EBF2: variants seen among roughly 807,000 people sequenced by gnomAD.
EBF2 encodes transcription factor COE2.
In EBF2, 21 loss-of-function variants were observed where a neutral mutation model predicts 72.8. That is an observed-to-expected ratio of 0.29 (90% CI 0.20 to 0.42). EBF2 has a LOEUF of 0.42. Among genes scored for constraint, EBF2 ranks in the 10% least tolerant of loss-of-function variants. EBF2 has a pLI of 1.00. For missense variants in EBF2, 637 were observed against 731.2 expected, an observed-to-expected ratio of 0.87 and a Z score of 1.49; for synonymous variants, 299 against 274.2, an observed-to-expected ratio of 1.09 and a Z score of -0.89.
At position 25,886,873 on chromosome 8, in the gene EBF2, G is replaced by T. The variant is rs1327661047; in HGVS notation, c.891C>A (p.Thr297=). Residue 297 remains threonine (T), a synonymous_variant, in exon 10 of 16, where the codon ACC becomes ACA. Transcript: ENST00000520164. The part of the protein sequence containing the change: ...GTMLVWSELI[T]PHAIRVQTPP... ...GAGTCTGTACTCTGATGGCATGAGGGGTTATTAGCTGAGGAATGAACAGGC... is the reference window on the plus strand; with the variant it reads ...GAGTCTGTACTCTGATGGCATGAGGTGTTATTAGCTGAGGAATGAACAGGC... 6.2e-7 allele frequency: 1 copy of T among 1,611,556 alleles called. No homozygotes were observed. Among genetic ancestry groups the T allele is most frequent in the East Asian group, 2.2e-5 (1 of 44,834 alleles).
intron 6 of EBF2, among the ~76,000 whole-genome samples, chr8:25,920,001 C>A (rs904023185): frequency 1.3e-5 from 2 of 152,026 alleles, no homozygotes; most frequent in African/African-American, 4.8e-5. Context: ...CAGTACCCAT[C>A]TAAAGAGATT....
intron 6 of EBF2, among the ~76,000 whole-genome samples, chr8:25,956,230 C>A (rs373600969): frequency 1.3e-4 from 20 of 152,156 alleles, no homozygotes; most frequent in African/African-American, 4.8e-4. Flanking sequence ...ACCAGCCTGA[C>A]CAACATGGAG....
intron 5 of EBF2, among the ~76,000 whole-genome samples, chr8:26,034,688 A>G (rs934119910): frequency 6.6e-6 from 1 of 152,226 alleles, no homozygotes; most frequent in African/African-American, 2.4e-5. Flanking sequence ...ATGGTCCACT[A>G]TCAACTATAG....
chr8:25,944,319 G>T (rs762056638), intron 6 of EBF2, among the ~76,000 whole-genome samples: 1 of 152,044 alleles, frequency 6.6e-6, no homozygotes, highest in Non-Finnish European at 1.5e-5. Context: ...ACTTGTAAGA[G>T]CATCTCTTAC....
rs1229515442 is a variant in EBF2 at position 25,971,564 on chromosome 8, A to G, written c.551+61521T>C. On this transcript the variant is annotated intron_variant, in intron 6 of 15. Coordinates refer to ENST00000520164, the MANE Select transcript of EBF2 (RefSeq NM_022659.4). Reference sequence around the variant, plus strand: ...GGAGGGCCCAGAAGGAGTCGTTTACAACAGAAATTATTGCAGGCAAATGTT... The same window carrying G: ...GGAGGGCCCAGAAGGAGTCGTTTACGACAGAAATTATTGCAGGCAAATGTT... Among the ~76,000 whole-genome samples the G allele has an allele frequency of 2.6e-5, 4 of 152,194 alleles. No homozygotes were observed. The East Asian group carries it at 7.7e-4, about 29-fold the overall frequency.
chr8:25,858,690 T>C (rs867041234), intron 13 of EBF2, among the ~76,000 whole-genome samples, 186 bp from the exon 14 acceptor site: 44 of 141,912 alleles, frequency 3.1e-4, no homozygotes, highest in African/African-American at 1.2e-3. Flanking sequence ...GATAGAGTCT[T>C]ACTCTGTCGC....
chr8:25,956,850 C>T (rs1803957158), intron 6 of EBF2, among the ~76,000 whole-genome samples: 1 of 152,194 alleles, frequency 6.6e-6, no homozygotes, highest in South Asian at 2.1e-4. Flanking sequence ...GACACACAAT[C>T]AGAACTGAAG....
At chr8:26,014,606 C>G (rs917865173) in intron 6 of EBF2, among the ~76,000 whole-genome samples, 3 of 152,152 alleles carry the variant, frequency 2.0e-5, no homozygotes, top group Admixed American at 1.3e-4. Context: ...AACATTTTCT[C>G]TTTGTCCTTG....
chr8:25,996,900 C>T (rs567556783), intron 6 of EBF2, among the ~76,000 whole-genome samples: 17 of 152,146 alleles, frequency 1.1e-4, no homozygotes, highest in African/African-American at 2.9e-4. Context: ...AAGAATACTA[C>T]GTATAATCAT....
chr8:25,964,452 C>A (rs575135021), intron 6 of EBF2, among the ~76,000 whole-genome samples: 1 of 152,204 alleles, frequency 6.6e-6, no homozygotes, highest in Non-Finnish European at 1.5e-5. Context: ...CGTGACATAT[C>A]CACCACATTT....
intron 6 of EBF2, among the ~76,000 whole-genome samples, chr8:26,002,677 A>AGACTTTCCTT: frequency 6.6e-6 from 1 of 152,158 alleles, no homozygotes; most frequent in East Asian, 1.9e-4. Flanking sequence ...TTTTCCTTGC[A>AGACTTTCCTT]GGCTTTGGAG....
In EBF2 at chr8:25,989,945, AGCTGCATTAGGATTG is replaced by A. The variant is rs1194242653; in HGVS notation, c.551+43125_551+43139del. 2.0e-5 allele frequency among the ~76,000 whole-genome samples: 3 copies of A among 152,148 alleles called. No homozygotes were observed. In the East Asian group the frequency reaches 5.8e-4, roughly 29 times the overall value. On this transcript the variant is annotated intron_variant, in intron 6 of 15. Coordinates refer to ENST00000520164, the MANE Select transcript of EBF2 (RefSeq NM_022659.4). ...CTAGGGGTCAACTTCTAGAGCCTAAAGCTGCATTAGGATTGGCTTGGGGATTCAGTCCCTAGTGGC... is the reference window on the plus strand; with the variant it reads ...CTAGGGGTCAACTTCTAGAGCCTAAAGCTTGGGGATTCAGTCCCTAGTGGC...
chr8:26,036,507 A>AT (rs1203442996), intron 5 of EBF2, among the ~76,000 whole-genome samples: 1 of 151,126 alleles, frequency 6.6e-6, no homozygotes, highest in Non-Finnish European at 1.5e-5. Flanking sequence ...CCCATCTTAA[A>AT]TTTTTTTCTG....
intron 6 of EBF2, among the ~76,000 whole-genome samples, chr8:25,927,583 T>G (rs1803407055): frequency 6.6e-6 from 1 of 152,034 alleles, no homozygotes. Context: ...TCCTTTCTGC[T>G]AGGGTGGGCA....
intron 10 of EBF2, among the ~76,000 whole-genome samples, chr8:25,885,891 G>T (rs773800821): frequency 6.6e-6 from 1 of 152,208 alleles, no homozygotes; most frequent in African/African-American, 2.4e-5. Flanking sequence ...CCTAGCACAT[G>T]TAGGGTAAGT....
Position 25,889,830 on chromosome 8 carries a change from G to A in EBF2, c.673C>T (p.Leu225=). The change falls in exon 8 of 16, where the codon CTG becomes TTG. Residue 225 remains leucine (L), a synonymous_variant. Transcript: ENST00000520164. ...STTVNVDGHV[L]AVSDNMFVHN... is the part of the protein sequence containing the mutation. ...ACAAACATGTTGTCAGAAACAGCCA[G>A]GACGTGTCCATCCACATTCACCGTT... 1 of 1,614,004 alleles carries A rather than the reference G, an allele frequency of 6.2e-7. No individual in the cohort carries two copies. The highest frequency in any genetic ancestry group is 1.1e-5 in the South Asian group (1 of 91,080).
chr8:26,032,896 G>A (rs1047244099), intron 6 of EBF2, 189 bp downstream of exon 6: 5 of 587,716 alleles, frequency 8.5e-6, no homozygotes, highest in South Asian at 4.1e-5. Context: ...TTAGAGACAC[G>A]TGTTCCAAAG....
chr8:25,901,090 T>C (rs1229429783), intron 7 of EBF2, among the ~76,000 whole-genome samples: 1 of 152,164 alleles, frequency 6.6e-6, no homozygotes, highest in Non-Finnish European at 1.5e-5. Flanking sequence ...ATATTGCATG[T>C]ACCCCATAAA....
intron 6 of EBF2, among the ~76,000 whole-genome samples, chr8:25,946,612 G>A (rs1803772748): frequency 2.0e-5 from 3 of 152,082 alleles, no homozygotes; most frequent in Admixed American, 6.6e-5. Context: ...TATCCTCATT[G>A]AATGACAACA....
Sources: gnomAD v4.1 joint callset for allele counts (sites outside exome capture counted in the v4.1 genomes callset) on GRCh38, gnomAD v4.1.1 for gene constraint, MANE v1.5 for transcripts, NCBI Gene and HGNC (gene_info 2026-07-23, HGNC 2026-07-21) for gene names.